The following RBFOX1 variants were observed in gnomAD, a reference collection of about 807,000 sequenced individuals.
RBFOX1 encodes the protein RNA binding fox-1 homolog 1.
In RBFOX1, 8 loss-of-function variants were observed where a neutral mutation model predicts 57.7. That is an observed-to-expected ratio of 0.14 (90% CI 0.08 to 0.25). The LOEUF (loss-of-function observed/expected upper bound fraction) is 0.25, where lower values mean the gene tolerates loss of function less well. RBFOX1 is among the 10% of genes least tolerant of loss of function. The pLI is 1.00. For synonymous variants in RBFOX1, 326 were observed against 222.4 expected, an observed-to-expected ratio of 1.47 and a Z score of -4.15; for missense variants, 611 against 548.5, an observed-to-expected ratio of 1.11 and a Z score of -1.14.
At chr16:6,797,391 A>G (rs554186126) in intron 3 of RBFOX1, among the ~76,000 whole-genome samples, 1 of 150,982 alleles carries the variant, frequency 6.6e-6, no homozygotes, top group East Asian at 1.9e-4. Context: ...TGGTCGAAAG[A>G]GAGAGCGAGA....
At chr16:5,823,622 A>C (rs771903887) in intron 3 of RBFOX1, among the ~76,000 whole-genome samples, 3 of 152,090 alleles carry the variant, frequency 2.0e-5, no homozygotes, top group Non-Finnish European at 4.4e-5. Flanking sequence ...CATCACTCAC[A>C]TTATCACCTG....
At chr16:6,809,926 A>G (rs180736646) in intron 3 of RBFOX1, among the ~76,000 whole-genome samples, 2 of 152,258 alleles carry the variant, frequency 1.3e-5, no homozygotes, top group African/African-American at 4.8e-5. Flanking sequence ...AACACCACCA[A>G]GATGAGCCTA....
intron 6 of RBFOX1, among the ~76,000 whole-genome samples, chr16:7,580,656 T>C (rs534574480): frequency 6.6e-6 from 1 of 152,350 alleles, no homozygotes; most frequent in African/African-American, 2.4e-5. Context: ...GCTTTTTTTA[T>C]AGGTCATCTT....
At chr16:6,117,660 G>C (rs1278092330) in intron 1 of RBFOX1, among the ~76,000 whole-genome samples, 1 of 152,238 alleles carries the variant, frequency 6.6e-6, no homozygotes, top group African/African-American at 2.4e-5. Flanking sequence ...GAGCCTGCTG[G>C]CACCTAGGTC....
intron 4 of RBFOX1, among the ~76,000 whole-genome samples, chr16:7,091,152 A>G (rs1253146771): frequency 1.3e-5 from 2 of 152,192 alleles, no homozygotes; most frequent in Non-Finnish European, 2.9e-5. Context: ...GTTGGTTGAA[A>G]CAAATAACTC....
intron 2 of RBFOX1, among the ~76,000 whole-genome samples, chr16:6,586,047 T>C (rs555031216): frequency 1.3e-5 from 2 of 152,356 alleles, no homozygotes; most frequent in African/African-American, 2.4e-5. Context: ...AGGTACTAGC[T>C]GTATTTAATA....
At chr16:6,927,479 A>T (rs1203166641) in intron 3 of RBFOX1, among the ~76,000 whole-genome samples, 1 of 146,124 alleles carries the variant, frequency 6.8e-6, no homozygotes, top group Admixed American at 6.9e-5. Flanking sequence ...ATTATTTTCA[A>T]AAATGTTTCC....
At chr16:6,617,000 A>C (rs768940279) in intron 2 of RBFOX1, among the ~76,000 whole-genome samples, 2 of 152,174 alleles carry the variant, frequency 1.3e-5, no homozygotes, top group Non-Finnish European at 2.9e-5. Context: ...CTTTGAAGAT[A>C]CATACTATCT....
In RBFOX1 at chr16:6,600,531, G is replaced by A. The variant is rs933269886; in HGVS notation, c.-63-54072G>A. On this transcript the variant is annotated intron_variant, in intron 2 of 15. Transcript: ENST00000550418. The stretch of plus-strand genomic sequence containing the variant: ...CTTCAGCTGATAACTGCTCTGGCCA[G>A]AGACGAACGCTGTGGTGATTATAAG... Among the ~76,000 whole-genome samples the A allele has an allele frequency of 2.0e-4, 31 of 152,200 alleles. 1 individual carries two copies.
rs559493997 is a variant in RBFOX1, at chr16:7,465,751, G to C, written c.28-52396G>C. Among the ~76,000 whole-genome samples the C allele has an allele frequency of 3.7e-4, 57 of 152,308 alleles. No homozygotes were observed. The South Asian group carries it at 0.011, about 29-fold the overall frequency. ...TTTGTGGGTCCCTCTTCAAGCCGAT[G>C]AATCAGAATCACTAATGCTGAACCC... On this transcript the variant is annotated intron_variant, in intron 4 of 15. Transcript: ENST00000550418.
At chr16:6,496,652 A>C (rs992292175) in intron 2 of RBFOX1, among the ~76,000 whole-genome samples, 3 of 152,184 alleles carry the variant, frequency 2.0e-5, no homozygotes, top group African/African-American at 7.2e-5. Flanking sequence ...GGGGAAACAC[A>C]TCACAGCTAA....
chr16:7,490,489 G>T (rs1391862365), intron 4 of RBFOX1, among the ~76,000 whole-genome samples: 1 of 152,138 alleles, frequency 6.6e-6, no homozygotes, highest in African/African-American at 2.4e-5. Context: ...TTAATTAGAG[G>T]GGTTGAGTCT....
chr16:5,770,030 A>T (rs1454201563), intron 3 of RBFOX1, among the ~76,000 whole-genome samples: 1 of 152,208 alleles, frequency 6.6e-6, no homozygotes, highest in Non-Finnish European at 1.5e-5. Context: ...AAGCTAAACT[A>T]TAGAGAAGAT....
intron 2 of RBFOX1, chr16:6,483,229 C>G (rs556902969): frequency 8.1e-7 from 1 of 1,229,516 alleles, no homozygotes; most frequent in Non-Finnish European, 1.0e-6. Flanking sequence ...GGACCCGGGC[C>G]CTGGCGCCGC....
chr16:5,299,562 C>G (rs1376700192), intron 1 of RBFOX1, among the ~76,000 whole-genome samples: 1 of 152,150 alleles, frequency 6.6e-6, no homozygotes. Context: ...ATGAAAGTTC[C>G]AATTGTTTCA....
At chr16:6,312,693 C>A (rs201054918) in intron 1 of RBFOX1, among the ~76,000 whole-genome samples, 2 of 147,550 alleles carry the variant, frequency 1.4e-5, no homozygotes, top group East Asian at 4.0e-4. Context: ...TCCTTCCTTC[C>A]TTCCTTCCTT....
chr16:5,247,227 C>G (rs1455467162), intron 1 of RBFOX1, among the ~76,000 whole-genome samples: 1 of 152,154 alleles, frequency 6.6e-6, no homozygotes, highest in Non-Finnish European at 1.5e-5. Flanking sequence ...TAGCACCCAC[C>G]CAGGATGTGT....
chr16:6,876,632 T>G (rs561730009), intron 3 of RBFOX1, among the ~76,000 whole-genome samples: 1 of 152,324 alleles, frequency 6.6e-6, no homozygotes, highest in East Asian at 1.9e-4. Flanking sequence ...GTATCTATTT[T>G]TTTTTTCTAA....
intron 3 of RBFOX1, among the ~76,000 whole-genome samples, chr16:5,766,560 G>A (rs1239507634): frequency 4.6e-5 from 7 of 152,246 alleles, no homozygotes; most frequent in Non-Finnish European, 7.4e-5. Flanking sequence ...ACTCCAGCCC[G>A]GGCAACAGTG....
Sources: gnomAD v4.1 joint callset for allele counts (sites outside exome capture counted in the v4.1 genomes callset) on GRCh38, gnomAD v4.1.1 for gene constraint, MANE v1.5 for transcripts, NCBI Gene and HGNC (gene_info 2026-07-23, HGNC 2026-07-21) for gene names.